Variants in TMEM202 observed in about 807,000 individuals in gnomAD.
TMEM202 encodes the protein transmembrane protein 202.
TMEM202 carries 25 observed loss-of-function variants against 26.1 expected under a neutral mutation model. The observed-to-expected ratio is 0.96, with a 90% CI of 0.70 to 1.34. TMEM202 has a LOEUF of 1.34. TMEM202 is among the 40% of genes most tolerant of loss of function. The pLI is 0.00. For missense variants in TMEM202, 301 were observed against 327.7 expected (o/e 0.92, Z 0.63); for synonymous variants, 122 against 119.0 (o/e 1.02, Z -0.16).
At chr15:72,400,433 G>A (rs1436452217) in intron 2 of TMEM202, among the ~76,000 whole-genome samples, 3 of 152,284 alleles carry the variant, frequency 2.0e-5, no homozygotes, top group East Asian at 3.9e-4. Flanking sequence ...ATGATTAGGT[G>A]TATCCAGAGA....
At chr15:72,406,430 C>G (rs995136325) in intron 2 of TMEM202, among the ~76,000 whole-genome samples, 172 bp from the exon 3 acceptor site, 4 of 152,072 alleles carry the variant, frequency 2.6e-5, no homozygotes, top group Non-Finnish European at 5.9e-5. Context: ...TGTATATTAT[C>G]TTTAGTTTAA....
At chr15:72,398,995 C>T (rs149574681) in intron 2 of TMEM202, 87 bp downstream of exon 2, 904 of 1,506,650 alleles carry the variant, frequency 6.0e-4, no homozygotes, top group Non-Finnish European at 7.5e-4. Flanking sequence ...GTTTCTTCCT[C>T]CAAGATCTTT....
chr15:72,404,520 CAG>C (rs2063562643), intron 2 of TMEM202, among the ~76,000 whole-genome samples: 1 of 152,040 alleles, frequency 6.6e-6, no homozygotes, highest in Admixed American at 6.6e-5. Context: ...GCTGGGATCT[CAG>C]ATAAAGAAAA....
chr15:72,400,255 A>G (rs2063541582), intron 2 of TMEM202, among the ~76,000 whole-genome samples: 1 of 152,260 alleles, frequency 6.6e-6, no homozygotes, highest in African/African-American at 2.4e-5. Flanking sequence ...TCTAATAAAC[A>G]TAGGAAAAAT....
At position 72,398,900 on chromosome 15, in the gene TMEM202, A is replaced by C; in HGVS notation, c.329A>C (p.Lys110Thr). Residue 110 changes from lysine (K) to threonine (T), a missense_variant, in exon 2 of 5, where the codon AAG (lysine) becomes ACG (threonine). Transcript: ENST00000341689. ...NHELCWSHTP[K>T]PPYYLQYSRA... is the part of the protein sequence containing the mutation. ...GAGCTGTGCTGGAGCCACACACCCA[A>C]GCCACCCTGTGAGTGCCACCGAATT... 1 of 1,601,830 alleles carries C rather than the reference A, an allele frequency of 6.2e-7. No homozygotes were observed. Among genetic ancestry groups the C allele is most frequent in the Admixed American group, 1.7e-5 (1 of 59,842 alleles).
intron 2 of TMEM202, among the ~76,000 whole-genome samples, chr15:72,399,177 C>T (rs981405428): frequency 2.6e-5 from 4 of 152,190 alleles, no homozygotes; most frequent in Admixed American, 1.3e-4. Flanking sequence ...CTTGCTCTAA[C>T]GCCTAGCCGA....
intron 2 of TMEM202, among the ~76,000 whole-genome samples, chr15:72,400,603 T>C (rs575409961): frequency 6.6e-6 from 1 of 152,308 alleles, no homozygotes; most frequent in African/African-American, 2.4e-5. Flanking sequence ...CTTAAGATTA[T>C]TATTTAAATT....
rs906089378 is a variant in TMEM202, at chr15:72,404,663, T to TCAAA, written c.338-1937_338-1934dup. Among the ~76,000 whole-genome samples, 14 of 152,178 alleles carry TCAAA rather than the reference T, an allele frequency of 9.2e-5. 1 individual carries two copies. Among genetic ancestry groups the TCAAA allele is most frequent in the Admixed American group, 4.6e-4 (7 of 15,270 alleles). The stretch of plus-strand genomic sequence containing the variant: ...AAGTGCCTAAAAGGTGATACCCCGG[T>TCAAA]CAAACTTTACATCTTCTCAGTTCAA... On this transcript the variant is annotated intron_variant, in intron 2 of 4. Coordinates refer to ENST00000341689, the MANE Select transcript of TMEM202 (RefSeq NM_001080462.3).
intron 2 of TMEM202, among the ~76,000 whole-genome samples, chr15:72,401,887 A>G (rs981047895): frequency 2.0e-5 from 3 of 152,194 alleles, no homozygotes; most frequent in African/African-American, 7.2e-5. Context: ...ATATCCCACA[A>G]TGTAAGCAAA....
At chr15:72,404,321 G>A (rs759354889) in intron 2 of TMEM202, among the ~76,000 whole-genome samples, 5 of 152,112 alleles carry the variant, frequency 3.3e-5, no homozygotes, top group Non-Finnish European at 7.3e-5. Context: ...AGGCTGAGGT[G>A]GGAGGATAGC....
At chr15:72,399,186 G>A (rs939359458) in intron 2 of TMEM202, among the ~76,000 whole-genome samples, 1 of 152,162 alleles carries the variant, frequency 6.6e-6, no homozygotes, top group East Asian at 1.9e-4. Context: ...ACGCCTAGCC[G>A]AAGTGCAAAA....
intron 2 of TMEM202, among the ~76,000 whole-genome samples, chr15:72,402,678 A>C (rs765327093): frequency 6.6e-6 from 1 of 152,180 alleles, no homozygotes; most frequent in African/African-American, 2.4e-5. Context: ...CACAGAGAGT[A>C]GTTTGAACTG....
intron 2 of TMEM202, among the ~76,000 whole-genome samples, chr15:72,402,358 C>G (rs573888123): frequency 6.6e-6 from 1 of 152,334 alleles, no homozygotes; most frequent in South Asian, 2.1e-4. Context: ...CCCTCCCTGA[C>G]AGTTTCCTTT....
intron 3 of TMEM202, 114 bp downstream of exon 3, chr15:72,406,865 A>C (rs1000884392): frequency 1.5e-6 from 2 of 1,295,506 alleles, no homozygotes; most frequent in Middle Eastern, 2.6e-4. Context: ...CTTCAGTATC[A>C]CACCAACTTG....
Position 72,406,798 on chromosome 15 carries a change from A to G in TMEM202, c.487+47A>G, listed in dbSNP as rs749728786. ...GTATTTTACCATGGTAAAATAGTCA[A>G]GGTAACAAATTTTCTCTGTGGAACT... On this transcript the variant is annotated intron_variant, in intron 3 of 4. Transcript: ENST00000341689. 5.0e-6 allele frequency: 8 copies of G among 1,591,790 alleles called. No homozygotes were observed. The Admixed American group carries it at 1.2e-4, about 24-fold the overall frequency.
chr15:72,399,145 G>A (rs1358153014), intron 2 of TMEM202, among the ~76,000 whole-genome samples: 1 of 152,046 alleles, frequency 6.6e-6, no homozygotes, highest in South Asian at 2.1e-4. Flanking sequence ...TTTGTTTGTT[G>A]GTTGGTTTTT....
At position 72,408,298 on chromosome 15, in the gene TMEM202, C is replaced by T. The variant is rs1422865018; in HGVS notation, c.*405C>T. Among the ~76,000 whole-genome samples the T allele has an allele frequency of 6.6e-6, 1 of 152,000 alleles. No individual in the cohort carries two copies. Among genetic ancestry groups the T allele is most frequent in the Non-Finnish European group, 1.5e-5 (1 of 68,004 alleles). On this transcript the variant is annotated 3_prime_UTR_variant, in exon 5 of 5. Coordinates refer to ENST00000341689, the MANE Select transcript of TMEM202 (RefSeq NM_001080462.3). ...ATACTCAGGATGGAAAGCACTTGGACAAATACTGTTGAATCTGAACTTAAT... is the reference window on the plus strand; with the variant it reads ...ATACTCAGGATGGAAAGCACTTGGATAAATACTGTTGAATCTGAACTTAAT...
rs1318334019 is a variant in TMEM202 at position 72,398,315 on chromosome 15, C to T, written c.-12C>T. The T allele has an allele frequency of 1.1e-5, 17 of 1,609,088 alleles. No individual in the cohort carries two copies. Among genetic ancestry groups the T allele is most frequent in the Non-Finnish European group, 9.3e-6 (11 of 1,178,116 alleles). On this transcript the variant is annotated 5_prime_UTR_variant, in exon 1 of 5. Coordinates refer to ENST00000341689, the MANE Select transcript of TMEM202 (RefSeq NM_001080462.3). ...GACAAATTCCGTGGCAGTTAGAGAA[C>T]TAACTGCCAAGATGGAGCGAAGGGA...
chr15:72,407,728 G>T lies in TMEM202; in HGVS notation c.657G>T (p.Ser219=), dbSNP rs35916586. 11 of 1,613,700 alleles carry T rather than the reference G, an allele frequency of 6.8e-6. No individual in the cohort carries two copies. The highest frequency in any genetic ancestry group is 5.0e-5 in the Admixed American group (3 of 59,964). Residue 219 remains serine, a synonymous_variant, in exon 5 of 5, where the codon TCG becomes TCT. Coordinates refer to ENST00000341689, the MANE Select transcript of TMEM202 (RefSeq NM_001080462.3). ...ISLLNYLTSR[S]PACDENVTVI... The stretch of plus-strand genomic sequence containing the variant: ...TTCTCAACTACTTAACTTCCAGATC[G>T]CCTGCCTGTGATGAAAACGTCACTG...
Sources: allele counts gnomAD v4.1 joint callset (sites outside exome capture counted in the v4.1 genomes callset), GRCh38; gene constraint gnomAD v4.1.1; transcripts MANE v1.5; gene names NCBI Gene and HGNC (gene_info 2026-07-23, HGNC 2026-07-21).